Variants in TMEM167B observed in about 807,000 individuals in gnomAD.
TMEM167B encodes the protein protein kish-B.
TMEM167B carries 2 observed loss-of-function variants against 9.4 expected under a neutral mutation model. That is an observed-to-expected ratio of 0.21 (90% confidence interval 0.09 to 0.67). The LOEUF (loss-of-function observed/expected upper bound fraction) is 0.67. TMEM167B is among the 30% of genes least tolerant of loss of function. TMEM167B has a pLI of 0.82. For missense variants in TMEM167B, 68 were observed against 87.6 expected, an observed-to-expected ratio of 0.78 and a Z score of 0.89; for synonymous variants, 28 against 32.0, an observed-to-expected ratio of 0.87 and a Z score of 0.42.
intron 1 of TMEM167B, among the ~76,000 whole-genome samples, chr1:109,092,072 C>G (rs1400464488): frequency 6.6e-6 from 1 of 152,100 alleles, no homozygotes; most frequent in Non-Finnish European, 1.5e-5. Flanking sequence ...TTGTTTTTTG[C>G]AATTAGGTGA....
chr1:109,094,612 T>C lies in TMEM167B; in HGVS notation c.*113T>C. ...CAGCTGAAATCATCGGTCCCCAGGA[T>C]GACACCACAGCATCTGCCCCTGCTA... is the stretch of plus-strand genomic sequence containing the variant. On this transcript the variant is annotated 3_prime_UTR_variant, in exon 3 of 3. Coordinates refer to ENST00000338272, the MANE Select transcript of TMEM167B (RefSeq NM_020141.4). 1.0e-6 allele frequency: 1 copy of C among 956,898 alleles called. No homozygotes were observed. Among genetic ancestry groups the C allele is most frequent in the Non-Finnish European group, 1.7e-6 (1 of 605,144 alleles). The allele number at this position is 956,898 out of a possible 1,614,324, so 59.3% of individuals were successfully genotyped here. A position where few individuals can be genotyped will look rare whatever the true frequency, so the allele number is the denominator to read the frequency against.
intron 1 of TMEM167B, among the ~76,000 whole-genome samples, chr1:109,091,264 T>C (rs578245769): frequency 2.5e-4 from 38 of 152,332 alleles, no homozygotes; most frequent in Non-Finnish European, 4.9e-4. Context: ...GTAGTTTTGT[T>C]GAGAGGGCCA....
chr1:109,092,850 G>C, intron 1 of TMEM167B, 40 bp from the exon 2 acceptor site: 1 of 1,610,284 alleles, frequency 6.2e-7, no homozygotes, highest in East Asian at 2.2e-5. Flanking sequence ...TCCGACGCTA[G>C]ATCAGTACCT....
At chr1:109,092,801 C>T (rs1013278367) in intron 1 of TMEM167B, 89 bp from the exon 2 acceptor site, 21 of 1,455,640 alleles carry the variant, frequency 1.4e-5, no homozygotes, top group Non-Finnish European at 1.8e-5. Context: ...TATTATGTCA[C>T]ACACTATCTT....
At chr1:109,093,175 C>T (rs1353906042) in intron 2 of TMEM167B, 154 bp downstream of exon 2, 8 of 1,124,128 alleles carry the variant, frequency 7.1e-6, no homozygotes, top group South Asian at 1.6e-5. Context: ...ATTAATCATT[C>T]TCCAAAGTTG....
Position 109,094,479 on chromosome 1 carries a change from T to C in TMEM167B, c.205T>C (p.Tyr69His). 1 of 1,614,048 alleles carries C rather than the reference T, an allele frequency of 6.2e-7. No homozygotes were observed. The highest frequency in any genetic ancestry group is 1.7e-5 in the Admixed American group (1 of 60,006). ...AATTGCTTGTGTTGTAATGGCCTTT[T>C]ACGTCCTGTTTATAAAATGAATTCC... ...VAIACVVMAF[Y>H]VLFIK Residue 69 changes from tyrosine to histidine, a missense_variant, in exon 3 of 3, where the codon TAC becomes CAC. Coordinates refer to ENST00000338272, the MANE Select transcript of TMEM167B (RefSeq NM_020141.4).
rs757850758 is a variant in TMEM167B, at chr1:109,092,885, A to T, written c.11-5A>T. On this transcript the variant is annotated splice_region_variant and splice_polypyrimidine_tract_variant and intron_variant, in intron 1 of 2. Transcript: ENST00000338272. ...TAAGGTTTTCTTTTCTTCTTTATTT[A>T]ACAGTGTACTCCTTGGATGGGATTC... 5.0e-6 allele frequency: 8 copies of T among 1,613,742 alleles called. No individual in the cohort carries two copies. The highest frequency in any genetic ancestry group is 1.7e-5 in the Admixed American group (1 of 59,934).
intron 1 of TMEM167B, among the ~76,000 whole-genome samples, chr1:109,091,222 C>T (rs897077221): frequency 1.3e-5 from 2 of 152,220 alleles, no homozygotes; most frequent in Non-Finnish European, 2.9e-5. Flanking sequence ...GGCTCCTCCT[C>T]CCAGCTCCCT....
Position 109,096,030 on chromosome 1 carries a change from T to A in TMEM167B, c.*1531T>A, listed in dbSNP as rs1219491899. ...ACAAGTTAGCTGTGGTTGATTCCTG[T>A]GTGGCAGTAAATTGTCTTCTGTCTG... is the stretch of plus-strand genomic sequence containing the variant. On this transcript the variant is annotated 3_prime_UTR_variant, in exon 3 of 3. Coordinates refer to ENST00000338272, the MANE Select transcript of TMEM167B (RefSeq NM_020141.4). 1 of 152,248 alleles carries A rather than the reference T, an allele frequency of 6.6e-6. No homozygotes were observed. The highest frequency in any genetic ancestry group is 1.5e-5 in the Non-Finnish European group (1 of 68,038). 9.4% of individuals were successfully genotyped at this position (152,248 alleles called of 1,614,324 possible).
rs1461170843 is a variant in TMEM167B at position 109,094,185 on chromosome 1, CAGG to C, written c.143-229_143-227del. Among the ~76,000 whole-genome samples, 7 of 152,252 alleles carry C rather than the reference CAGG, an allele frequency of 4.6e-5. No homozygotes were observed. The East Asian group carries it at 1.4e-3, about 29-fold the overall frequency. On this transcript the variant is annotated intron_variant, in intron 2 of 2. Coordinates refer to ENST00000338272, the MANE Select transcript of TMEM167B (RefSeq NM_020141.4). ...ATCTCAGCTACTCAAGAGGCTGAGG[CAGG>C]AGAATTGCTTGAACCCGGGTGGCAG...
At chr1:109,093,322 T>C (rs577573510) in intron 2 of TMEM167B, 1 of 275,234 alleles carries the variant, frequency 3.6e-6, no homozygotes, top group South Asian at 4.3e-5. Flanking sequence ...TGAGACCCCA[T>C]TTCTACAAAA....
intron 1 of TMEM167B, among the ~76,000 whole-genome samples, chr1:109,092,569 TA>T (rs955383173): frequency 1.1e-3 from 160 of 150,046 alleles, no homozygotes; most frequent in South Asian, 4.2e-3. Context: ...AAAGGGGATG[TA>T]AAAAAAAAAA....
intron 1 of TMEM167B, among the ~76,000 whole-genome samples, chr1:109,092,622 A>G (rs1331606103): frequency 6.6e-6 from 1 of 152,092 alleles, no homozygotes; most frequent in Non-Finnish European, 1.5e-5. Flanking sequence ...CTCAGGCTAC[A>G]GTGCAGTGGC....
chr1:109,090,784 G>A lies in TMEM167B; in HGVS notation c.-89G>A. 6.6e-7 allele frequency: 1 copy of A among 1,508,186 alleles called. No individual in the cohort carries two copies. The highest frequency in any genetic ancestry group is 1.2e-5 in the South Asian group (1 of 83,176). 93.4% of individuals were successfully genotyped at this position (1,508,186 alleles called of 1,614,324 possible). On this transcript the variant is annotated 5_prime_UTR_variant, in exon 1 of 3. Coordinates refer to ENST00000338272, the MANE Select transcript of TMEM167B (RefSeq NM_020141.4). ...GGCTTCTTCCAGTCACCTCGGCCCG[G>A]ATCGGGAAGTGTCAAGCGGGCGCTC...
chr1:109,094,584 GTT>G lies in TMEM167B; in HGVS notation c.*86_*87del, dbSNP rs1238686259. ...GGAGACCTGAACCCAGTGTAGGAGA[GTT>G]CAGCTGAAATCATCGGTCCCCAGGA... is the stretch of plus-strand genomic sequence containing the variant. On this transcript the variant is annotated 3_prime_UTR_variant, in exon 3 of 3. Transcript: ENST00000338272. 143 of 1,349,428 alleles carry G rather than the reference GTT, an allele frequency of 1.1e-4. No individual in the cohort carries two copies. Among genetic ancestry groups the G allele is most frequent in the Non-Finnish European group, 1.3e-4 (125 of 945,880 alleles). The allele number at this position is 1,349,428 out of a possible 1,614,324, so 83.6% of individuals were successfully genotyped here. A position where few individuals can be genotyped will look rare whatever the true frequency, so the allele number is the denominator to read the frequency against.
intron 1 of TMEM167B, among the ~76,000 whole-genome samples, chr1:109,092,136 A>G (rs567402865): frequency 6.6e-6 from 1 of 152,348 alleles, no homozygotes; most frequent in South Asian, 2.1e-4. Flanking sequence ...TTTAAGAAAC[A>G]GAGCTAAGAA....
chr1:109,092,373 A>G (rs574998478), intron 1 of TMEM167B, among the ~76,000 whole-genome samples: 3 of 152,324 alleles, frequency 2.0e-5, no homozygotes, highest in African/African-American at 7.2e-5. Context: ...AGTTTTGGCT[A>G]CATATCTAGC....
rs940174786 is a variant in TMEM167B, at chr1:109,096,750, T to C, written c.*2251T>C. The C allele has an allele frequency of 6.6e-6, 1 of 152,242 alleles. No homozygotes were observed. The highest frequency in any genetic ancestry group is 1.5e-5 in the Non-Finnish European group (1 of 68,038). 9.4% of individuals were successfully genotyped at this position (152,242 alleles called of 1,614,324 possible). ...ACTAAAAGTTATAGAATGTTATTCC[T>C]CTGGGGGAATCTTTTACAGGTGGAG... On this transcript the variant is annotated 3_prime_UTR_variant, in exon 3 of 3. Coordinates refer to ENST00000338272, the MANE Select transcript of TMEM167B (RefSeq NM_020141.4).
At chr1:109,093,676 G>A (rs1329346789) in intron 2 of TMEM167B, 1 of 152,114 alleles carries the variant, frequency 6.6e-6, no homozygotes, top group African/African-American at 2.4e-5. Context: ...TGGTACATTG[G>A]AGTCTGTTTT....
Sources: gnomAD v4.1 joint callset for allele counts (sites outside exome capture counted in the v4.1 genomes callset) on GRCh38, gnomAD v4.1.1 for gene constraint, MANE v1.5 for transcripts, NCBI Gene and HGNC (gene_info 2026-07-23, HGNC 2026-07-21) for gene names.